USP19: variants seen among roughly 807,000 people sequenced by gnomAD.
USP19 encodes ubiquitin carboxyl-terminal hydrolase 19.
USP19 carries 40 observed loss-of-function variants against 144.8 expected under a neutral mutation model. That is an observed-to-expected ratio of 0.28 (90% CI 0.21 to 0.36). The LOEUF (loss-of-function observed/expected upper bound fraction) is 0.36, where lower values mean the gene tolerates loss of function less well. USP19 is among the 10% of genes least tolerant of loss of function. USP19 has a pLI of 1.00. For missense variants in USP19, 1,518 were observed against 1,822.5 expected, an observed-to-expected ratio of 0.83 and a Z score of 3.04; for synonymous variants, 701 against 709.3, an observed-to-expected ratio of 0.99 and a Z score of 0.19.
At chr3:49,118,997 A>G (rs772168429) in intron 2 of USP19, 25 bp downstream of exon 2, 96 of 1,613,418 alleles carry the variant, frequency 6.0e-5, no homozygotes, top group Admixed American at 8.3e-5. Context: ...GAAGGCCACA[A>G]TTACTCTGGG....
chr3:49,116,197 G>C lies in USP19; in HGVS notation c.1356-35C>G, dbSNP rs1045674781. ...AAGGCTGAACTCAGGGACTTAGGAGGAATGAGCATCAGGATAGATGAGCCA... is the reference window on the plus strand; with the variant it reads ...AAGGCTGAACTCAGGGACTTAGGAGCAATGAGCATCAGGATAGATGAGCCA... On this transcript the variant is annotated intron_variant, in intron 9 of 26. Coordinates refer to ENST00000417901, the MANE Select transcript of USP19 (RefSeq NM_001199161.2). This position sits in a 1 kb window ranked among gnomAD's most constrained non-coding sequence, Gnocchi z 5.0. 2 of 1,613,684 alleles carry C rather than the reference G, an allele frequency of 1.2e-6. No individual in the cohort carries two copies. The highest frequency in any genetic ancestry group is 1.3e-5 in the African/African-American group (1 of 74,918).
Position 49,116,291 on chromosome 3 carries a change from C to T in USP19, c.1344G>A (p.Gln448=), listed in dbSNP as rs930797106. ...CGGGCACCACCCACCTGAGCTTCAC[C>T]TGCCAACGGAAGGTGGTGTGGGGCC... The part of the protein sequence containing the change: ...GCGPHTTFRW[Q]VKLRNLIEPE... Residue 448 remains glutamine, a synonymous_variant, in exon 9 of 27, where the codon CAG becomes CAA. Transcript: ENST00000417901. This position sits in a 1 kb window ranked among gnomAD's most constrained non-coding sequence, Gnocchi z 5.0. 6.2e-7 allele frequency: 1 copy of T among 1,613,576 alleles called. No individual in the cohort carries two copies. Among genetic ancestry groups the T allele is most frequent in the Non-Finnish European group, 8.5e-7 (1 of 1,179,884 alleles).
At position 49,119,040 on chromosome 3, in the gene USP19, C is replaced by T; in HGVS notation, c.106G>A (p.Asp36Asn). Residue 36 changes from aspartate (D) to asparagine (N), a missense_variant, in exon 2 of 27, where the codon GAT becomes AAT. This residue lies in a region of USP19 where 707 missense variants were observed against 728.9 expected (regional missense o/e 0.97). Transcript: ENST00000417901. ...QKDRANQESK[D>N]GDPRKETGSR... ...CTCCCACCTTTCCTAGGATCTCCAT[C>T]CTTGCTCTCCTGGTTTGCTCGATCC... The T allele has an allele frequency of 3.1e-6, 5 of 1,614,120 alleles. No individual in the cohort carries two copies. The highest frequency in any genetic ancestry group is 4.2e-6 in the Non-Finnish European group (5 of 1,179,994).
Position 49,112,451 on chromosome 3 carries a change from C to G in USP19, c.2646+38G>C, listed in dbSNP as rs781460212. On this transcript the variant is annotated intron_variant, in intron 18 of 26. Coordinates refer to ENST00000417901, the MANE Select transcript of USP19 (RefSeq NM_001199161.2). The surrounding 1 kb of genome is among the most constrained non-coding windows in gnomAD (Gnocchi z 4.9). ...CAAGACCAGGAAGAAGTGCCCCACC[C>G]ACCAGGGCGCTGTGCCATCAGGTTG... The G allele has an allele frequency of 9.3e-6, 15 of 1,613,718 alleles. No individual in the cohort carries two copies. The highest frequency in any genetic ancestry group is 1.3e-5 in the Non-Finnish European group (15 of 1,179,838).
chr3:49,113,690 C>T (rs923566046), intron 17 of USP19, among the ~76,000 whole-genome samples: 3 of 152,276 alleles, frequency 2.0e-5, no homozygotes, highest in Admixed American at 6.5e-5. Flanking sequence ...CTCCACATCC[C>T]GGGCTCAAGT....
At position 49,116,666 on chromosome 3, in the gene USP19, C is replaced by G. The variant is rs181708283; in HGVS notation, c.1127-59G>C. ...ACAGGTTCCAGCCTATTGCTACTCT[C>G]TATCCACCTACAAACTTTGCAACCC... On this transcript the variant is annotated intron_variant, in intron 7 of 26. Coordinates refer to ENST00000417901, the MANE Select transcript of USP19 (RefSeq NM_001199161.2). This position sits in a 1 kb window ranked among gnomAD's most constrained non-coding sequence, Gnocchi z 5.0. 1 of 1,610,284 alleles carries G rather than the reference C, an allele frequency of 6.2e-7. No homozygotes were observed. The highest frequency in any genetic ancestry group is 1.3e-5 in the African/African-American group (1 of 74,964).
In USP19 at chr3:49,116,558, C is replaced by T. The variant is rs776592513; in HGVS notation, c.1176G>A (p.Glu392=). Residue 392 remains glutamate, a synonymous_variant, in exon 8 of 27, where the codon GAG becomes GAA. Transcript: ENST00000417901. The surrounding 1 kb of genome is among the most constrained non-coding windows in gnomAD (Gnocchi z 5.0). ...GCACCACCACTGAATCCGGGCCCTT[C>T]TCATACGAGTCATTCTTGACAAACG... ...NLAFVKNDSY[E]KGPDSVVVHV... 3 of 1,614,222 alleles carry T rather than the reference C, an allele frequency of 1.9e-6. No homozygotes were observed. The highest frequency in any genetic ancestry group is 2.5e-6 in the Non-Finnish European group (3 of 1,180,040).
chr3:49,118,263 C>A, intron 2 of USP19, 143 bp from the exon 3 acceptor site: 1 of 348,738 alleles, frequency 2.9e-6, no homozygotes. Flanking sequence ...GAGACCCTGC[C>A]TTTAAAAAAA....
chr3:49,116,897 G>A lies in USP19; in HGVS notation c.956C>T (p.Thr319Ile). 6.2e-7 allele frequency: 1 copy of A among 1,614,134 alleles called. No homozygotes were observed. Among genetic ancestry groups the A allele is most frequent in the South Asian group, 1.1e-5 (1 of 91,088 alleles). ...ATTCTCCTCTGAGCCCAGGAGGCAG[G>A]TTTGGGAGTTCAGCGGTGGTATGCA... ...QLCIPPLNSQ[T>I]CLLGSEENLA... The change falls in exon 7 of 27, where the codon ACC (threonine) becomes ATC (isoleucine). Residue 319 changes from threonine (T) to isoleucine (I), a missense_variant. By Grantham distance (89) the Thr-to-Ile change is moderately conservative. This residue lies in a region of USP19 where 707 missense variants were observed against 728.9 expected (regional missense o/e 0.97). Transcript: ENST00000417901. This position sits in a 1 kb window ranked among gnomAD's most constrained non-coding sequence, Gnocchi z 5.0.
chr3:49,118,728 C>T (rs556003170), intron 2 of USP19, among the ~76,000 whole-genome samples: 84 of 150,340 alleles, frequency 5.6e-4, no homozygotes, highest in Non-Finnish European at 1.2e-4. Flanking sequence ...GCCTGGGCTA[C>T]AGAATGAGAC....
In USP19 at chr3:49,114,392, A is replaced by G. The variant is rs1380361260; in HGVS notation, c.2293-108T>C. ...TTCTGATGGCTCTCAGGGCCCCCACAGCCAACCAGCAAACTCTCAGGCTTC... is the reference window on the plus strand; with the variant it reads ...TTCTGATGGCTCTCAGGGCCCCCACGGCCAACCAGCAAACTCTCAGGCTTC... On this transcript the variant is annotated intron_variant, in intron 15 of 26. Coordinates refer to ENST00000417901, the MANE Select transcript of USP19 (RefSeq NM_001199161.2). This position sits in a 1 kb window ranked among gnomAD's most constrained non-coding sequence, Gnocchi z 4.5. The G allele has an allele frequency of 2.0e-6, 2 of 995,262 alleles. No homozygotes were observed. Among genetic ancestry groups the G allele is most frequent in the Admixed American group, 4.9e-5 (2 of 41,006 alleles). The allele number at this position is 995,262 out of a possible 1,614,324, so 61.7% of individuals were successfully genotyped here.
chr3:49,119,992 G>A (rs2044908273), intron 1 of USP19, among the ~76,000 whole-genome samples: 1 of 152,244 alleles, frequency 6.6e-6, no homozygotes, highest in Non-Finnish European at 1.5e-5. Context: ...TGGGCATCCA[G>A]TTTGAGACTG....
At chr3:49,118,154 G>A in intron 2 of USP19, 34 bp from the exon 3 acceptor site, 1 of 895,390 alleles carries the variant, frequency 1.1e-6, no homozygotes, top group Non-Finnish European at 1.7e-6. Context: ...AGTCAAGCAT[G>A]GTGAGGAGGC....
In USP19 at chr3:49,112,401, C is replaced by T. The variant is rs752502439; in HGVS notation, c.2648G>A (p.Arg883His). 34 of 1,613,838 alleles carry T rather than the reference C, an allele frequency of 2.1e-5. No homozygotes were observed. Among genetic ancestry groups the T allele is most frequent in the Non-Finnish European group, 1.8e-5 (21 of 1,179,946 alleles). Residue 883 changes from arginine to histidine, a missense_variant and splice_region_variant, in exon 19 of 27, where the codon CGC (arginine) becomes CAC (histidine). Physicochemically the swap from Arg to His is conservative, Grantham distance 29 (BLOSUM62 0). Transcript: ENST00000417901. This position sits in a 1 kb window ranked among gnomAD's most constrained non-coding sequence, Gnocchi z 4.9. ...ERVVVLEVQQRPQVPSVPISK... is the reference protein window; with the variant it reads ...ERVVVLEVQQHPQVPSVPISK... The stretch of plus-strand genomic sequence containing the variant: ...GATGGGGACGCTGGGCACCTGGGGG[C>T]GCTAGGGTGGGTCGTCTGGCTCAGC...
At position 49,115,652 on chromosome 3, in the gene USP19, A is replaced by C; in HGVS notation, c.1693-13T>G. The C allele has an allele frequency of 6.2e-7, 1 of 1,607,544 alleles. No homozygotes were observed. The highest frequency in any genetic ancestry group is 2.2e-5 in the East Asian group (1 of 44,664). ...ATGTAGGCTTGGGCTGCAGGAGCAA[A>C]GACGACATGAGAGAACAGCCCCAAG... is the stretch of plus-strand genomic sequence containing the variant. On this transcript the variant is annotated splice_polypyrimidine_tract_variant and intron_variant, in intron 11 of 26. Transcript: ENST00000417901. The surrounding 1 kb of genome is among the most constrained non-coding windows in gnomAD (Gnocchi z 6.6).
Position 49,115,688 on chromosome 3 carries a change from C to T in USP19, c.1692+36G>A. ...GAGAACAGCCCCAAGACTCTCCAGC[C>T]TCCATTCTTCGTCCTTCCCACCCCA... is the stretch of plus-strand genomic sequence containing the variant. On this transcript the variant is annotated intron_variant, in intron 11 of 26. Coordinates refer to ENST00000417901, the MANE Select transcript of USP19 (RefSeq NM_001199161.2). This position sits in a 1 kb window ranked among gnomAD's most constrained non-coding sequence, Gnocchi z 6.6. 6.2e-7 allele frequency: 1 copy of T among 1,606,194 alleles called. No homozygotes were observed. The highest frequency in any genetic ancestry group is 8.5e-7 in the Non-Finnish European group (1 of 1,173,832).
rs746745011 is a variant in USP19 at position 49,110,076 on chromosome 3, C to T, written c.4038+108G>A. 3.8e-6 allele frequency: 5 copies of T among 1,316,084 alleles called. No homozygotes were observed. The highest frequency in any genetic ancestry group is 5.0e-6 in the Non-Finnish European group (5 of 1,002,114). The allele number at this position is 1,316,084 out of a possible 1,614,324, so 81.5% of individuals were successfully genotyped here. On this transcript the variant is annotated intron_variant, in intron 26 of 26. Transcript: ENST00000417901. This position sits in a 1 kb window ranked among gnomAD's most constrained non-coding sequence, Gnocchi z 6.1. ...AGAACTCTGCAATTCTCATGAATCC[C>T]AAGGCTCAATGGGCCTGTGGCTGGA...
rs1302528560 is a variant in USP19, at chr3:49,111,386, CA to C, written c.3218-22del. The C allele has an allele frequency of 1.2e-6, 2 of 1,613,934 alleles. No individual in the cohort carries two copies. Among genetic ancestry groups the C allele is most frequent in the Non-Finnish European group, 1.7e-6 (2 of 1,179,998 alleles). On this transcript the variant is annotated intron_variant, in intron 21 of 26. Transcript: ENST00000417901. This position sits in a 1 kb window ranked among gnomAD's most constrained non-coding sequence, Gnocchi z 5.9. ...AGCAGCTGTGTGAGAACATGATAAT[CA>C]AAGCTTCCCTGCCCATCAGGGCCTC...
chr3:49,111,398 GC>G lies in USP19; in HGVS notation c.3218-34del. ...AGAACATGATAATCAAAGCTTCCCTGCCCATCAGGGCCTCACCAGGCCCACC... is the reference window on the plus strand; with the variant it reads ...AGAACATGATAATCAAAGCTTCCCTGCCATCAGGGCCTCACCAGGCCCACC... On this transcript the variant is annotated intron_variant, in intron 21 of 26. Coordinates refer to ENST00000417901, the MANE Select transcript of USP19 (RefSeq NM_001199161.2). The surrounding 1 kb of genome is among the most constrained non-coding windows in gnomAD (Gnocchi z 5.9). The G allele has an allele frequency of 6.2e-7, 1 of 1,613,752 alleles. No homozygotes were observed. The highest frequency in any genetic ancestry group is 1.6e-4 in the Middle Eastern group (1 of 6,062).
Sources: gnomAD v4.1 joint callset for allele counts (sites outside exome capture counted in the v4.1 genomes callset) on GRCh38, gnomAD v4.1.1 for gene constraint, gnomAD v4.1.1 regional missense constraint, Gnocchi (gnomAD v3.1) non-coding constraint, MANE v1.5 for transcripts, NCBI Gene and HGNC (gene_info 2026-07-23, HGNC 2026-07-21) for gene names.